SCARB1: variants seen among roughly 807,000 people sequenced by gnomAD.
SCARB1 encodes the protein scavenger receptor class B member 1.
Under a neutral mutation model 57.2 loss-of-function variants are expected in SCARB1, and 30 were observed. The ratio of observed to expected loss-of-function variants is 0.52; its 90% CI spans 0.39 to 0.71. The LOEUF (loss-of-function observed/expected upper bound fraction) is 0.71, where lower values mean the gene tolerates loss of function less well. Among genes scored for constraint, SCARB1 ranks in the 30% least tolerant of loss-of-function variants. SCARB1 has a pLI of 0.00. For synonymous variants in SCARB1, 249 were observed against 268.3 expected, an observed-to-expected ratio of 0.93 and a Z score of 0.70; for missense variants, 543 against 671.2, an observed-to-expected ratio of 0.81 and a Z score of 2.11.
chr12:124,838,111 C>T (rs1417769012), intron 1 of SCARB1, among the ~76,000 whole-genome samples: 1 of 152,238 alleles, frequency 6.6e-6, no homozygotes, highest in Non-Finnish European at 1.5e-5. Context: ...CCCGTGCAGC[C>T]TGCAGAGCTG....
chr12:124,835,254 A>T (rs1951593202), intron 1 of SCARB1, among the ~76,000 whole-genome samples: 1 of 140,558 alleles, frequency 7.1e-6, no homozygotes, highest in Non-Finnish European at 1.5e-5. Flanking sequence ...ATTTTTATGT[A>T]TGTTTGAATT....
intron 9 of SCARB1, among the ~76,000 whole-genome samples, chr12:124,794,463 C>T (rs1021576644): frequency 2.8e-5 from 4 of 141,544 alleles, no homozygotes; most frequent in African/African-American, 1.1e-4. Context: ...TGCAGTGGCG[C>T]GATCTCGGCT....
intron 5 of SCARB1, among the ~76,000 whole-genome samples, chr12:124,811,039 G>A (rs965183631): frequency 6.6e-6 from 1 of 152,192 alleles, no homozygotes. Flanking sequence ...AAAAGGTCAC[G>A]AAGGTGAAAA....
At chr12:124,835,713 T>G (rs7954651) in intron 1 of SCARB1, among the ~76,000 whole-genome samples, 141,952 of 152,244 alleles carry the variant, frequency 0.93, 66,634 homozygotes, top group South Asian at 0.99. Flanking sequence ...GGCCAGATTT[T>G]GCCAGTAGAT....
chr12:124,805,504 A>G (rs1165595004), intron 7 of SCARB1, among the ~76,000 whole-genome samples: 6 of 152,020 alleles, frequency 3.9e-5, no homozygotes, highest in Non-Finnish European at 8.8e-5. Context: ...CCATGGTGGG[A>G]GTTTGGACTT....
At chr12:124,778,740 T>C (rs965598027) in intron 12 of SCARB1, among the ~76,000 whole-genome samples, 154 bp from the exon 13 acceptor site, 1 of 145,288 alleles carries the variant, frequency 6.9e-6, no homozygotes, top group African/African-American at 2.5e-5. Flanking sequence ...GAGTCACCTA[T>C]AGACTCCTGG....
chr12:124,809,557 G>A (rs996970224), intron 6 of SCARB1, among the ~76,000 whole-genome samples: 2 of 152,196 alleles, frequency 1.3e-5, no homozygotes, highest in Admixed American at 6.5e-5. Context: ...AGCCTCCTGG[G>A]GAACGGAGAC....
rs1381937765 is a variant in SCARB1, at chr12:124,789,133, G to A, written c.1203-1676C>T. Among the ~76,000 whole-genome samples the A allele has an allele frequency of 6.6e-6, 1 of 152,150 alleles. No homozygotes were observed. Among genetic ancestry groups the A allele is most frequent in the Non-Finnish European group, 1.5e-5 (1 of 68,038 alleles). On this transcript the variant is annotated intron_variant, in intron 9 of 12. Transcript: ENST00000261693. This position sits in a 1 kb window ranked among gnomAD's most constrained non-coding sequence, Gnocchi z 4.4. Reference sequence around the variant, plus strand: ...AAAGTAAACTTGATACTGCAGAAACGTCACAGGCATGACCTCATCCAGGCT... The same window carrying A: ...AAAGTAAACTTGATACTGCAGAAACATCACAGGCATGACCTCATCCAGGCT...
rs1049134558 is a variant in SCARB1, at chr12:124,821,354, G to T, written c.127-3647C>A. The T allele has an allele frequency of 6.1e-6, 6 of 984,986 alleles. No individual in the cohort carries two copies. The East Asian group carries it at 3.4e-4, about 56-fold the overall frequency. The allele number at this position is 984,986 out of a possible 1,614,324, so 61.0% of individuals were successfully genotyped here. ...TCTCAGCAGAGGCTGCTGGGCTGGAGATACCTTTCTCCTTTGGAATCTCAC... is the reference window on the plus strand; with the variant it reads ...TCTCAGCAGAGGCTGCTGGGCTGGATATACCTTTCTCCTTTGGAATCTCAC... On this transcript the variant is annotated intron_variant, in intron 1 of 12. Transcript: ENST00000261693.
rs757171650 is a variant in SCARB1 at position 124,817,719 on chromosome 12, G to A, written c.127-12C>T. On this transcript the variant is annotated splice_polypyrimidine_tract_variant and intron_variant, in intron 1 of 12. Coordinates refer to ENST00000261693, the MANE Select transcript of SCARB1 (RefSeq NM_005505.5). This position sits in a 1 kb window ranked among gnomAD's most constrained non-coding sequence, Gnocchi z 4.8. ...TCGATGCGCACGTTCTGCAGGGGAA[G>A]GGACAAGTACGCTTGTGAGGAGAGT... 6.2e-7 allele frequency: 1 copy of A among 1,614,106 alleles called. No homozygotes were observed. The highest frequency in any genetic ancestry group is 1.1e-5 in the South Asian group (1 of 91,082).
intron 1 of SCARB1, among the ~76,000 whole-genome samples, chr12:124,818,898 G>A (rs574208017): frequency 5.9e-5 from 9 of 152,176 alleles, no homozygotes; most frequent in South Asian, 4.2e-4. Context: ...CAAGTGATCC[G>A]TCTGCCTTGG....
At chr12:124,786,315 C>T (rs745456860) in intron 11 of SCARB1, 42 bp downstream of exon 11, 4 of 1,610,584 alleles carry the variant, frequency 2.5e-6, no homozygotes, top group Middle Eastern at 1.6e-4. Flanking sequence ...AGCAGGCAAG[C>T]GAATGGCTGT....
Position 124,800,948 on chromosome 12 carries a change from C to T in SCARB1, c.1010-706G>A, listed in dbSNP as rs745977934. 6.6e-6 allele frequency among the ~76,000 whole-genome samples: 1 copy of T among 152,222 alleles called. No homozygotes were observed. The highest frequency in any genetic ancestry group is 2.4e-5 in the African/African-American group (1 of 41,462). ...GAGGGCCAGGCGCCATGGCTTACAC[C>T]TGTAATCCCAACACTTTGGGAGGCC... On this transcript the variant is annotated intron_variant, in intron 7 of 12. Transcript: ENST00000261693. The surrounding 1 kb of genome is among the most constrained non-coding windows in gnomAD (Gnocchi z 4.8).
chr12:124,808,063 T>C (rs1433510661), intron 6 of SCARB1, 136 bp from the exon 7 acceptor site: 3 of 808,760 alleles, frequency 3.7e-6, no homozygotes, highest in East Asian at 5.3e-5. Context: ...CCCCCATCTC[T>C]CACCCGCGGA....
intron 12 of SCARB1, among the ~76,000 whole-genome samples, chr12:124,779,392 G>A (rs1872967048): frequency 6.6e-6 from 1 of 152,224 alleles, no homozygotes; most frequent in South Asian, 2.1e-4. Context: ...TCATGCTCAT[G>A]GCTGCGCACA....
intron 9 of SCARB1, 117 bp from the exon 10 acceptor site, chr12:124,787,574 TCAC>T: frequency 1.2e-6 from 1 of 839,786 alleles, no homozygotes; most frequent in Non-Finnish European, 1.9e-6. Context: ...CACTAAACCC[TCAC>T]CACCAAATAT....
chr12:124,825,460 C>G (rs1404373809), intron 1 of SCARB1, among the ~76,000 whole-genome samples: 1 of 152,124 alleles, frequency 6.6e-6, no homozygotes. Context: ...CACTTGAGGT[C>G]AGGAGTTCCA....
In SCARB1 at chr12:124,807,472, G is replaced by T. The variant is rs1413545885; in HGVS notation, c.1009+289C>A. Among the ~76,000 whole-genome samples, 1 of 152,168 alleles carries T rather than the reference G, an allele frequency of 6.6e-6. No homozygotes were observed. Among genetic ancestry groups the T allele is most frequent in the Non-Finnish European group, 1.5e-5 (1 of 68,028 alleles). On this transcript the variant is annotated intron_variant, in intron 7 of 12. Coordinates refer to ENST00000261693, the MANE Select transcript of SCARB1 (RefSeq NM_005505.5). The surrounding 1 kb of genome is among the most constrained non-coding windows in gnomAD (Gnocchi z 5.3). ...CCTCCAGAAGGAACACAGCCGCCTT[G>T]TTCTGAGCGCGGTGAGACCCACGCA...
intron 1 of SCARB1, chr12:124,821,384 C>T: frequency 1.0e-6 from 1 of 985,402 alleles, no homozygotes; most frequent in Non-Finnish European, 1.2e-6. Context: ...TCTCACCATG[C>T]TTTCCTCCTC....
Sources: allele counts gnomAD v4.1 joint callset (sites outside exome capture counted in the v4.1 genomes callset), GRCh38; gene constraint gnomAD v4.1.1; non-coding constraint Gnocchi (gnomAD v3.1); transcripts MANE v1.5; gene names NCBI Gene and HGNC (gene_info 2026-07-23, HGNC 2026-07-21).